USP10: variants seen among roughly 807,000 people sequenced by gnomAD.
USP10 encodes ubiquitin carboxyl-terminal hydrolase 10.
In USP10, 22 loss-of-function variants were observed where a neutral mutation model predicts 84.5. The observed-to-expected ratio is 0.26, with a 90% CI of 0.19 to 0.37. The LOEUF is 0.37. Among genes scored for constraint, USP10 ranks in the 10% least tolerant of loss-of-function variants. The pLI is 1.00. For missense variants in USP10, 1,019 were observed against 998.9 expected, an observed-to-expected ratio of 1.02 and a Z score of -0.27; for synonymous variants, 454 against 387.6, an observed-to-expected ratio of 1.17 and a Z score of -2.01.
chr16:84,717,798 C>G (rs1359400140), intron 1 of USP10, among the ~76,000 whole-genome samples: 1 of 152,162 alleles, frequency 6.6e-6, no homozygotes, highest in Non-Finnish European at 1.5e-5. Context: ...AGGTCCTAGT[C>G]TCTGGTCCTC....
intron 1 of USP10, chr16:84,704,803 C>T: frequency 1.3e-6 from 2 of 1,535,636 alleles, no homozygotes; most frequent in Non-Finnish European, 8.7e-7. Flanking sequence ...ACCAGCACTG[C>T]CATTCTGTCC....
intron 2 of USP10, among the ~76,000 whole-genome samples, chr16:84,736,165 C>T (rs797009861): frequency 3.5e-4 from 54 of 152,350 alleles, no homozygotes; most frequent in African/African-American, 1.2e-3. Flanking sequence ...ATAATTGCCG[C>T]TCAAACATGC....
At chr16:84,709,949 G>A (rs1176577983) in intron 1 of USP10, among the ~76,000 whole-genome samples, 1 of 152,152 alleles carries the variant, frequency 6.6e-6, no homozygotes, top group Non-Finnish European at 1.5e-5. Flanking sequence ...TCAGGACTGA[G>A]TGAAGTTGGT....
At chr16:84,725,646 C>T (rs954606885) in intron 1 of USP10, among the ~76,000 whole-genome samples, 3 of 152,132 alleles carry the variant, frequency 2.0e-5, no homozygotes, top group African/African-American at 7.2e-5. Flanking sequence ...TCAGGTGATC[C>T]ACCCGCCTCG....
intron 11 of USP10, among the ~76,000 whole-genome samples, chr16:84,768,890 C>T (rs1914138620): frequency 6.6e-6 from 1 of 152,170 alleles, no homozygotes; most frequent in Non-Finnish European, 1.5e-5. Context: ...GTCTTTCAGT[C>T]TTCATGAATT....
At chr16:84,765,339 G>A (rs891151010) in intron 10 of USP10, among the ~76,000 whole-genome samples, 1 of 151,624 alleles carries the variant, frequency 6.6e-6, no homozygotes, top group Non-Finnish European at 1.5e-5. Context: ...ACTATGAGTA[G>A]CTCTTGTCCG....
Position 84,732,441 on chromosome 16 carries a change from CTTCT to C in USP10, c.22-991_22-988del, listed in dbSNP as rs770706175. ...TAATTCTTCTCAATGACTTCTTCTT[CTTCT>C]TTTTTTTTTTTTTCTTTTTGAGATG... On this transcript the variant is annotated intron_variant, in intron 1 of 13. Coordinates refer to ENST00000219473, the MANE Select transcript of USP10 (RefSeq NM_005153.3). 3.7e-3 allele frequency: 1,449 copies of C among 394,936 alleles called. 2 individuals carry two copies. The highest frequency in any genetic ancestry group is 7.8e-3 in the East Asian group (95 of 12,136). The allele number at this position is 394,936 out of a possible 1,614,324, so 24.5% of individuals were successfully genotyped here. A position where few individuals can be genotyped will look rare whatever the true frequency, so the allele number is the denominator to read the frequency against.
At chr16:84,712,012 G>C (rs1022052997) in intron 1 of USP10, among the ~76,000 whole-genome samples, 1 of 152,096 alleles carries the variant, frequency 6.6e-6, no homozygotes, top group Admixed American at 6.6e-5. Flanking sequence ...GAGCCACCGC[G>C]CCCGGTGGCT....
At chr16:84,765,658 T>C (rs1041497217) in intron 10 of USP10, among the ~76,000 whole-genome samples, 2 of 152,196 alleles carry the variant, frequency 1.3e-5, no homozygotes, top group South Asian at 4.1e-4. Context: ...CCACAGTTTC[T>C]TTATCCATTG....
intron 11 of USP10, among the ~76,000 whole-genome samples, chr16:84,771,925 A>C (rs1280686936): frequency 1.3e-5 from 2 of 152,336 alleles, no homozygotes; most frequent in East Asian, 3.9e-4. Flanking sequence ...TTAGCTTTTT[A>C]ATTTTTATGC....
intron 1 of USP10, among the ~76,000 whole-genome samples, chr16:84,719,030 G>T (rs1007408573): frequency 2.0e-5 from 3 of 151,988 alleles, no homozygotes; most frequent in Non-Finnish European, 4.4e-5. Context: ...GACCTCAAAT[G>T]ATCCACCCGT....
chr16:84,745,699 G>C (rs775476156), intron 4 of USP10, 26 bp downstream of exon 4: 65 of 1,579,176 alleles, frequency 4.1e-5, no homozygotes, highest in Non-Finnish European at 5.3e-5. Flanking sequence ...TACAAATCTA[G>C]AGTGAAGATG....
chr16:84,729,288 G>C (rs1908906092), intron 1 of USP10, among the ~76,000 whole-genome samples: 1 of 152,198 alleles, frequency 6.6e-6, no homozygotes. Flanking sequence ...TGCCAAGAAA[G>C]AAATATTTAT....
At chr16:84,768,565 C>T (rs980584022) in intron 11 of USP10, among the ~76,000 whole-genome samples, 4 of 152,278 alleles carry the variant, frequency 2.6e-5, no homozygotes, top group Non-Finnish European at 5.9e-5. Context: ...AATCATATTA[C>T]ACAAGGTAAT....
chr16:84,706,741 G>A (rs1432797097), intron 1 of USP10, among the ~76,000 whole-genome samples: 2 of 151,558 alleles, frequency 1.3e-5, no homozygotes, highest in Non-Finnish European at 2.9e-5. Flanking sequence ...GGGGTTTCAC[G>A]GTGTTAGCCA....
intron 4 of USP10, among the ~76,000 whole-genome samples, chr16:84,747,767 A>G (rs1057287695): frequency 6.6e-6 from 1 of 151,818 alleles, no homozygotes; most frequent in Non-Finnish European, 1.5e-5. Context: ...GGGTTTCACC[A>G]TGCTGCCCAG....
chr16:84,739,962 G>C (rs1910432287), intron 2 of USP10, among the ~76,000 whole-genome samples: 1 of 152,186 alleles, frequency 6.6e-6, no homozygotes, highest in Non-Finnish European at 1.5e-5. Flanking sequence ...AAGTGTCTGT[G>C]GTCTGGATGG....
chr16:84,708,074 AC>A (rs1231877496), intron 1 of USP10, among the ~76,000 whole-genome samples: 1 of 152,044 alleles, frequency 6.6e-6, no homozygotes, highest in Non-Finnish European at 1.5e-5. Flanking sequence ...CGAGACTCTT[AC>A]GTCAAAAAAG....
chr16:84,754,398 G>C (rs545504149), intron 4 of USP10, among the ~76,000 whole-genome samples: 1 of 152,116 alleles, frequency 6.6e-6, no homozygotes, highest in African/African-American at 2.4e-5. Flanking sequence ...GTTTAACGAC[G>C]TCGTACCAGA....
Sources: allele counts gnomAD v4.1 joint callset (sites outside exome capture counted in the v4.1 genomes callset), GRCh38; gene constraint gnomAD v4.1.1; transcripts MANE v1.5; gene names NCBI Gene and HGNC (gene_info 2026-07-23, HGNC 2026-07-21).